The following CNTN5 variants were observed in gnomAD, a reference collection of about 807,000 sequenced individuals.
CNTN5 encodes contactin-5.
Under a neutral mutation model 129.1 loss-of-function variants are expected in CNTN5, and 77 were observed. The observed-to-expected ratio is 0.60, with a 90% CI of 0.50 to 0.72. The LOEUF (loss-of-function observed/expected upper bound fraction) is 0.72, where lower values mean the gene tolerates loss of function less well. CNTN5 is among the 30% of genes least tolerant of loss of function. The pLI, the probability that CNTN5 is intolerant of heterozygous loss-of-function variation, is 0.00. For missense variants in CNTN5, 1,478 were observed against 1,328.8 expected (o/e 1.11, Z -1.75); for synonymous variants, 509 against 465.6 (o/e 1.09, Z -1.20).
intron 2 of CNTN5, among the ~76,000 whole-genome samples, chr11:99,517,186 G>A (rs1947088692): frequency 6.6e-6 from 1 of 151,984 alleles, no homozygotes; most frequent in South Asian, 2.1e-4. Context: ...AATATGAGAA[G>A]TCTTCTCTTT....
intron 2 of CNTN5, among the ~76,000 whole-genome samples, chr11:99,525,675 A>C (rs1947457443): frequency 6.6e-6 from 1 of 152,376 alleles, no homozygotes; most frequent in African/African-American, 2.4e-5. Flanking sequence ...CTAGAGTGGA[A>C]TATTAGTAGG....
chr11:99,360,832 TG>T (rs1939060051), intron 2 of CNTN5, among the ~76,000 whole-genome samples: 1 of 152,368 alleles, frequency 6.6e-6, no homozygotes, highest in Admixed American at 6.5e-5. Context: ...ATAGCCAGGT[TG>T]AGAATATTTC....
chr11:99,465,059 G>A (rs113005825), intron 2 of CNTN5, among the ~76,000 whole-genome samples: 2,000 of 152,258 alleles, frequency 0.013, 45 homozygotes, highest in African/African-American at 0.045. Flanking sequence ...GCTTGAGAAC[G>A]GAAATCATGC....
intron 8 of CNTN5, among the ~76,000 whole-genome samples, chr11:100,001,058 G>A (rs965919559): frequency 3.3e-5 from 5 of 152,264 alleles, no homozygotes; most frequent in Middle Eastern, 3.4e-3. Flanking sequence ...GAAATTCCAT[G>A]GAGACATTTT....
At chr11:100,042,359 A>G (rs1400077585) in intron 9 of CNTN5, among the ~76,000 whole-genome samples, 1 of 152,148 alleles carries the variant, frequency 6.6e-6, no homozygotes, top group Non-Finnish European at 1.5e-5. Context: ...GCTTCTATCA[A>G]AGATATACAA....
chr11:99,598,365 TCTCTCTCTCC>T (rs1429883256), intron 3 of CNTN5, among the ~76,000 whole-genome samples: 280 of 10,326 alleles, frequency 0.027, 37 homozygotes, highest in South Asian at 0.039. Flanking sequence ...TCTCTCTCTC[TCTCTCTCTCC>T]CTCTCTCTCT....
intron 16 of CNTN5, among the ~76,000 whole-genome samples, chr11:100,253,463 G>A (rs1037727549): frequency 3.6e-4 from 54 of 151,946 alleles, no homozygotes; most frequent in African/African-American, 1.3e-3. Flanking sequence ...CTATGAAATG[G>A]GGATAACAAT....
chr11:100,012,142 C>A (rs1437047907), intron 9 of CNTN5, among the ~76,000 whole-genome samples: 1 of 152,028 alleles, frequency 6.6e-6, no homozygotes, highest in Non-Finnish European at 1.5e-5. Flanking sequence ...AACATTTAGG[C>A]CTCACAGGAA....
intron 2 of CNTN5, among the ~76,000 whole-genome samples, chr11:99,435,638 G>A (rs1943569927): frequency 6.6e-6 from 1 of 152,194 alleles, no homozygotes; most frequent in Non-Finnish European, 1.5e-5. Context: ...GCCAAAGAGG[G>A]ATACACTAAG....
intron 1 of CNTN5, among the ~76,000 whole-genome samples, chr11:99,104,756 G>A (rs1866917665): frequency 6.6e-6 from 1 of 151,934 alleles, no homozygotes; most frequent in South Asian, 2.1e-4. Flanking sequence ...TAGAAGATCA[G>A]GACTGGGGTG....
intron 6 of CNTN5, among the ~76,000 whole-genome samples, chr11:99,913,577 G>C (rs1044017311): frequency 1.3e-5 from 2 of 151,962 alleles, no homozygotes; most frequent in Non-Finnish European, 2.9e-5. Context: ...TGTATTAAAA[G>C]CTGGTACAAA....
At chr11:99,905,058 A>G (rs1218722829) in intron 6 of CNTN5, among the ~76,000 whole-genome samples, 1 of 152,048 alleles carries the variant, frequency 6.6e-6, no homozygotes, top group African/African-American at 2.4e-5. Flanking sequence ...TATCAGACAG[A>G]TAGATTGCAA....
intron 13 of CNTN5, among the ~76,000 whole-genome samples, chr11:100,144,247 G>C (rs1348757399): frequency 6.6e-6 from 1 of 151,666 alleles, no homozygotes; most frequent in South Asian, 2.1e-4. Context: ...ATATTCAGTG[G>C]GTACATGTGC....
intron 17 of CNTN5, among the ~76,000 whole-genome samples, chr11:100,256,371 A>C (rs1371245338): frequency 6.6e-6 from 1 of 152,202 alleles, no homozygotes; most frequent in Admixed American, 6.5e-5. Flanking sequence ...ATGAGATTCT[A>C]TGAAATTTTA....
At chr11:99,844,678 T>C in intron 4 of CNTN5, 174 bp from the exon 5 acceptor site, 1 of 617,242 alleles carries the variant, frequency 1.6e-6, no homozygotes, top group African/African-American at 1.9e-5. Context: ...TATTTGGTTC[T>C]TTACAATTTA....
At chr11:100,038,399 A>G (rs181984046) in intron 9 of CNTN5, among the ~76,000 whole-genome samples, 16,575 of 152,112 alleles carry the variant, frequency 0.11, 1,067 homozygotes, top group Middle Eastern at 0.27. Context: ...TATGTGGTCA[A>G]TTTTGGAATA....
intron 2 of CNTN5, among the ~76,000 whole-genome samples, chr11:99,374,919 A>G (rs998382083): frequency 6.6e-6 from 1 of 152,186 alleles, no homozygotes; most frequent in Non-Finnish European, 1.5e-5. Flanking sequence ...CATCCACGAT[A>G]CTAGCAGGAA....
chr11:99,403,458 T>G (rs1356837376), intron 2 of CNTN5, among the ~76,000 whole-genome samples: 2 of 152,192 alleles, frequency 1.3e-5, no homozygotes, highest in Non-Finnish European at 2.9e-5. Context: ...GATTGTTATT[T>G]GAAGTTTTTC....
At chr11:99,597,873 G>A (rs1950173204) in intron 3 of CNTN5, among the ~76,000 whole-genome samples, 1 of 148,312 alleles carries the variant, frequency 6.7e-6, no homozygotes, top group African/African-American at 2.4e-5. Flanking sequence ...CATGGAAGTG[G>A]CAAGCTTATG....
Sources: allele counts gnomAD v4.1 joint callset (sites outside exome capture counted in the v4.1 genomes callset), GRCh38; gene constraint gnomAD v4.1.1; transcripts MANE v1.5; gene names NCBI Gene and HGNC (gene_info 2026-07-23, HGNC 2026-07-21).